The following TEAD4 variants were observed in gnomAD, a reference collection of about 807,000 sequenced individuals.
TEAD4 encodes transcriptional enhancer factor TEF-3.
A neutral mutation model predicts 52.4 loss-of-function variants in TEAD4; 36 were observed. The ratio of observed to expected loss-of-function variants is 0.69; its 90% confidence interval spans 0.53 to 0.91. TEAD4 has a LOEUF of 0.91. Among genes scored for constraint, TEAD4 ranks in the 40% least tolerant of loss-of-function variants. The probability of loss-of-function intolerance (pLI) is 0.00; values close to 1 mark genes in which losing one functional copy is unlikely to be tolerated. For synonymous variants in TEAD4, 220 were observed against 231.0 expected, an observed-to-expected ratio of 0.95 and a Z score of 0.43; for missense variants, 508 against 583.9, an observed-to-expected ratio of 0.87 and a Z score of 1.34.
chr12:2,987,494 G>C (rs1018010601), intron 2 of TEAD4, among the ~76,000 whole-genome samples: 3 of 151,976 alleles, frequency 2.0e-5, no homozygotes, highest in African/African-American at 7.2e-5. Context: ...GACTGCAGGG[G>C]CGCGATCTCA....
chr12:3,007,072 G>C (rs1481551006), intron 3 of TEAD4, among the ~76,000 whole-genome samples: 3 of 152,154 alleles, frequency 2.0e-5, no homozygotes, highest in Admixed American at 2.0e-4. Context: ...AGACCCCTTG[G>C]TGTGGCTCCT....
At chr12:3,017,644 C>T in intron 6 of TEAD4, 118 bp downstream of exon 6, 1 of 1,369,778 alleles carries the variant, frequency 7.3e-7, no homozygotes, top group Non-Finnish European at 9.7e-7. Flanking sequence ...TCCTCTTGGC[C>T]AGGGCAGTCA....
chr12:3,005,090 G>C (rs1218817975), intron 3 of TEAD4, among the ~76,000 whole-genome samples: 1 of 152,224 alleles, frequency 6.6e-6, no homozygotes, highest in Non-Finnish European at 1.5e-5. Context: ...CTGGAGGACA[G>C]TATGCCAAGT....
chr12:3,017,544 A>G lies in TEAD4; in HGVS notation c.483+18A>G. On this transcript the variant is annotated intron_variant, in intron 6 of 12. Transcript: ENST00000359864. The stretch of plus-strand genomic sequence containing the variant: ...TCTCAGGGGTAAGTGGGCTGCCGAG[A>G]GCTGGAGGCCAGGCCAGCCCTCTCC... The G allele has an allele frequency of 6.2e-7, 1 of 1,608,158 alleles. No homozygotes were observed. The highest frequency in any genetic ancestry group is 1.1e-5 in the South Asian group (1 of 90,258).
chr12:3,023,126 C>T (rs1022831329), intron 10 of TEAD4, among the ~76,000 whole-genome samples: 11 of 152,200 alleles, frequency 7.2e-5, no homozygotes, highest in African/African-American at 2.4e-4. Context: ...AGACCTAGGG[C>T]CCCTGACCTT....
rs1267145544 is a variant in TEAD4 at position 2,994,907 on chromosome 12, T to C, written c.141T>C (p.Ile47=). The stretch of plus-strand genomic sequence containing the variant: ...CAGAGGGCGTGTGGAGCCCGGATAT[T>C]GAGCAGAGTTTCCAGGAGGCCCTCG... The change falls in exon 3 of 13, where the codon ATT becomes ATC. Residue 47 remains isoleucine (I), a synonymous_variant. Coordinates refer to ENST00000359864, the MANE Select transcript of TEAD4 (RefSeq NM_003213.4). The surrounding 1 kb of genome is among the most constrained non-coding windows in gnomAD (Gnocchi z 4.7). 5 of 1,614,012 alleles carry C rather than the reference T, an allele frequency of 3.1e-6. No individual in the cohort carries two copies. The highest frequency in any genetic ancestry group is 4.2e-6 in the Non-Finnish European group (5 of 1,180,034).
In TEAD4 at chr12:3,038,134, G is replaced by A. The variant is rs779517629; in HGVS notation, c.1038+26G>A. The A allele has an allele frequency of 6.2e-6, 10 of 1,603,536 alleles. No individual in the cohort carries two copies. In the Admixed American group the frequency reaches 1.5e-4, roughly 24 times the overall value. ...GTAGGAGGCCACCCTGGCGGGTGAG[G>A]GCCGGTGGCAGTGGTCTGTGTTTGC... On this transcript the variant is annotated intron_variant, in intron 11 of 12. Transcript: ENST00000359864.
intron 2 of TEAD4, among the ~76,000 whole-genome samples, chr12:2,989,154 C>T (rs1412855605): frequency 1.3e-5 from 2 of 152,084 alleles, no homozygotes; most frequent in Non-Finnish European, 2.9e-5. Flanking sequence ...AGCCCCCACC[C>T]TGTGGGATCT....
chr12:2,970,463 C>T (rs2098224146), intron 2 of TEAD4, among the ~76,000 whole-genome samples: 1 of 152,214 alleles, frequency 6.6e-6, no homozygotes, highest in Non-Finnish European at 1.5e-5. Context: ...TTCCCCGGCA[C>T]ATAATAACCA....
chr12:2,983,243 A>G (rs530249739), intron 2 of TEAD4, among the ~76,000 whole-genome samples: 32 of 152,192 alleles, frequency 2.1e-4, no homozygotes, highest in Non-Finnish European at 4.1e-4. Context: ...CTTAGTAACA[A>G]TGAAGACAAT....
Position 2,991,234 on chromosome 12 carries a change from A to T in TEAD4, c.-29-3504A>T, listed in dbSNP as rs570987117. On this transcript the variant is annotated intron_variant, in intron 2 of 12. Transcript: ENST00000359864. Reference sequence around the variant, plus strand: ...AAAATAATAAAAATTTAAAGTGATGAAAAATAAAAAACCAGCTTCCTCATT... The same window carrying T: ...AAAATAATAAAAATTTAAAGTGATGTAAAATAAAAAACCAGCTTCCTCATT... Among the ~76,000 whole-genome samples the T allele has an allele frequency of 4.9e-4, 74 of 152,338 alleles. No homozygotes were observed. In the South Asian group the frequency reaches 0.015, roughly 30 times the overall value.
intron 10 of TEAD4, among the ~76,000 whole-genome samples, chr12:3,024,983 C>T (rs1282109895): frequency 1.3e-5 from 2 of 150,978 alleles, no homozygotes; most frequent in Non-Finnish European, 2.9e-5. Flanking sequence ...CTTACTCTGT[C>T]GCCCAGGCTA....
intron 3 of TEAD4, among the ~76,000 whole-genome samples, chr12:3,003,606 A>G (rs963157114): frequency 6.6e-6 from 1 of 152,132 alleles, no homozygotes; most frequent in African/African-American, 2.4e-5. Flanking sequence ...CCTTTAGGCC[A>G]AGGCTCCTGT....
chr12:3,023,278 C>G (rs893603106), intron 10 of TEAD4, among the ~76,000 whole-genome samples: 32 of 152,014 alleles, frequency 2.1e-4, no homozygotes, highest in Non-Finnish European at 4.6e-4. Flanking sequence ...GAAGTGGGCT[C>G]TGGAGTGAAG....
chr12:2,986,555 G>A (rs141527854), intron 2 of TEAD4, among the ~76,000 whole-genome samples: 6 of 151,800 alleles, frequency 4.0e-5, no homozygotes, highest in African/African-American at 1.4e-4. Flanking sequence ...CACGAGAATC[G>A]CTTGACCTCA....
intron 10 of TEAD4, among the ~76,000 whole-genome samples, chr12:3,029,770 G>T (rs2153958064): frequency 6.6e-6 from 1 of 152,260 alleles, no homozygotes; most frequent in African/African-American, 2.4e-5. Flanking sequence ...TTTGTTATTT[G>T]TTCTGGTTAT....
intron 10 of TEAD4, among the ~76,000 whole-genome samples, chr12:3,032,230 G>A (rs1370020854): frequency 6.6e-6 from 1 of 152,206 alleles, no homozygotes; most frequent in Admixed American, 6.6e-5. Context: ...GTTTGGAGGT[G>A]GGGGTTGATG....
In TEAD4 at chr12:3,007,121, C is replaced by T. The variant is rs560512867; in HGVS notation, c.227-3883C>T. On this transcript the variant is annotated intron_variant, in intron 3 of 12. Coordinates refer to ENST00000359864, the MANE Select transcript of TEAD4 (RefSeq NM_003213.4). ...ACTAGCCTCTCGCCGGGGGCTGAGA[C>T]GGCCTTTCTAGCAGCAGAGCCCTGG... Among the ~76,000 whole-genome samples the T allele has an allele frequency of 1.0e-3, 158 of 152,342 alleles. 1 individual carries two copies. Among genetic ancestry groups the T allele is most frequent in the South Asian group, 3.9e-3 (19 of 4,830 alleles).
At chr12:2,976,980 T>C (rs1366636251) in intron 2 of TEAD4, among the ~76,000 whole-genome samples, 2 of 152,222 alleles carry the variant, frequency 1.3e-5, no homozygotes, top group African/African-American at 4.8e-5. Flanking sequence ...CCTGCAGGCC[T>C]CCTGCTCCTT....
Sources: allele counts gnomAD v4.1 joint callset (sites outside exome capture counted in the v4.1 genomes callset), GRCh38; gene constraint gnomAD v4.1.1; non-coding constraint Gnocchi (gnomAD v3.1); transcripts MANE v1.5; gene names NCBI Gene and HGNC (gene_info 2026-07-23, HGNC 2026-07-21).